The following DNMT3A variants were observed in gnomAD, a reference collection of about 807,000 sequenced individuals.
DNMT3A encodes the protein DNA (cytosine-5)-methyltransferase 3A.
In DNMT3A, 267 loss-of-function variants were observed where a neutral mutation model predicts 117.6. That is an observed-to-expected ratio of 2.27 (90% CI 2.05 to 2.51). The LOEUF is 2.51. Among genes scored for constraint, DNMT3A ranks in the 30% most tolerant of loss-of-function variants. The pLI is 0.00. For missense variants in DNMT3A, 1,029 were observed against 1,260.2 expected (o/e 0.82, Z 2.78); for synonymous variants, 432 against 474.8 (o/e 0.91, Z 1.17).
chr2:25,266,473 C>G (rs918767192), intron 6 of DNMT3A, among the ~76,000 whole-genome samples: 2 of 152,286 alleles, frequency 1.3e-5, no homozygotes, highest in African/African-American at 4.8e-5. Flanking sequence ...TTATCTCCTC[C>G]TTCCCATAGC....
intron 1 of DNMT3A, among the ~76,000 whole-genome samples, chr2:25,322,930 T>C (rs1260624565): frequency 3.3e-5 from 5 of 152,078 alleles, no homozygotes; most frequent in Non-Finnish European, 5.9e-5. Context: ...GAAAAATATC[T>C]GACCATTTCT....
At position 25,315,629 on chromosome 2, in the gene DNMT3A, G is replaced by A. The variant is rs560078558; in HGVS notation, c.-177-1468C>T. On this transcript the variant is annotated intron_variant, in intron 1 of 22. Coordinates refer to ENST00000321117, the MANE Select transcript of DNMT3A (RefSeq NM_022552.5). ...TCTGCATCTGGGCAGCTGCTGTGCC[G>A]TGCCCAGTTTACAGGTGACGGTAAG... Among the ~76,000 whole-genome samples the A allele has an allele frequency of 3.3e-5, 5 of 152,330 alleles. No homozygotes were observed. The East Asian group carries it at 7.7e-4, about 23-fold the overall frequency.
rs1478731100 is a variant in DNMT3A at position 25,252,128 on chromosome 2, G to A, written c.640-3876C>T. On this transcript the variant is annotated intron_variant, in intron 6 of 22. Coordinates refer to ENST00000321117, the MANE Select transcript of DNMT3A (RefSeq NM_022552.5). The surrounding 1 kb of genome is among the most constrained non-coding windows in gnomAD (Gnocchi z 5.5). ...CTTTTCAAACCCGGAGGGCTGCGGA[G>A]ATCCTCCCACCGGCCCTGCCGCCTC... 6.4e-5 allele frequency: 98 copies of A among 1,533,882 alleles called. No homozygotes were observed. The highest frequency in any genetic ancestry group is 1.7e-4 in the Middle Eastern group (1 of 5,934).
rs1189334972 is a variant in DNMT3A at position 25,314,156 on chromosome 2, C to A, written c.-172G>T. On this transcript the variant is annotated 5_prime_UTR_variant, in exon 2 of 23. Coordinates refer to ENST00000321117, the MANE Select transcript of DNMT3A (RefSeq NM_022552.5). ...AGCCTGTGGGTGGGGGCTTCGATGG[C>A]TCCACCTGTGGGGGAGAGAAGAGGA... 3.7e-5 allele frequency: 53 copies of A among 1,424,724 alleles called. No homozygotes were observed. In the Middle Eastern group the frequency reaches 3.0e-3, roughly 81 times the overall value. 88.3% of individuals were successfully genotyped at this position (1,424,724 alleles called of 1,614,324 possible).
intron 1 of DNMT3A, chr2:25,328,601 G>A (rs1299129877): frequency 2.1e-6 from 1 of 477,340 alleles, no homozygotes; most frequent in Admixed American, 2.4e-5. Flanking sequence ...CCCACAGCTT[G>A]TCCCCCGCAA....
intron 1 of DNMT3A, among the ~76,000 whole-genome samples, chr2:25,321,510 A>G (rs1413620053): frequency 3.3e-5 from 5 of 152,188 alleles, no homozygotes; most frequent in African/African-American, 1.2e-4. Flanking sequence ...CACATCTGCA[A>G]AGTCCCTTTT....
intron 2 of DNMT3A, among the ~76,000 whole-genome samples, chr2:25,310,010 C>T (rs954243345): frequency 6.6e-6 from 1 of 152,152 alleles, no homozygotes; most frequent in Non-Finnish European, 1.5e-5. Flanking sequence ...GAAACAAGAT[C>T]ACGCCACTGC....
At chr2:25,269,235 G>A (rs528051561) in intron 6 of DNMT3A, among the ~76,000 whole-genome samples, 7 of 152,204 alleles carry the variant, frequency 4.6e-5, no homozygotes, top group Non-Finnish European at 1.0e-4. Context: ...GGCGAGGCAC[G>A]AGAATCACTT....
At chr2:25,235,447 A>G (rs1367528200) in intron 22 of DNMT3A, among the ~76,000 whole-genome samples, 2 of 152,066 alleles carry the variant, frequency 1.3e-5, no homozygotes, top group Admixed American at 6.5e-5. Flanking sequence ...GGCCTCCCAA[A>G]GTGCTGGGAT....
intron 6 of DNMT3A, among the ~76,000 whole-genome samples, chr2:25,253,688 C>T (rs1351114194): frequency 6.6e-6 from 1 of 152,176 alleles, no homozygotes; most frequent in African/African-American, 2.4e-5. Flanking sequence ...GCCTAGTTGC[C>T]GTTGGCAAGA....
rs2033698028 is a variant in DNMT3A, at chr2:25,304,750, A to G, written c.73-4507T>C. ...TCTCCACACTGTGGTCCCAACAGAC[A>G]GCACCAAGCGCGAAAGCAAACTGCT... On this transcript the variant is annotated intron_variant, in intron 2 of 22. Coordinates refer to ENST00000321117, the MANE Select transcript of DNMT3A (RefSeq NM_022552.5). This position sits in a 1 kb window ranked among gnomAD's most constrained non-coding sequence, Gnocchi z 4.3. Among the ~76,000 whole-genome samples, 1 of 152,226 alleles carries G rather than the reference A, an allele frequency of 6.6e-6. No homozygotes were observed. Among genetic ancestry groups the G allele is most frequent in the African/African-American group, 2.4e-5 (1 of 41,454 alleles).
At chr2:25,325,273 C>G (rs73920672) in intron 1 of DNMT3A, among the ~76,000 whole-genome samples, 140 of 152,300 alleles carry the variant, frequency 9.2e-4, no homozygotes, top group African/African-American at 3.2e-3. Context: ...GAAGCCCTGT[C>G]TAGGGGTCAC....
chr2:25,268,711 T>C (rs1362496728), intron 6 of DNMT3A, among the ~76,000 whole-genome samples: 1 of 152,172 alleles, frequency 6.6e-6, no homozygotes, highest in Non-Finnish European at 1.5e-5. Context: ...GAGGAGACTC[T>C]GGCCCCCCTT....
At chr2:25,299,600 C>G (rs2033302130) in intron 3 of DNMT3A, among the ~76,000 whole-genome samples, 1 of 152,200 alleles carries the variant, frequency 6.6e-6, no homozygotes, top group Non-Finnish European at 1.5e-5. Flanking sequence ...AGCCAAGTCC[C>G]CTGGCTTCTC....
In DNMT3A at chr2:25,239,153, C is replaced by T. The variant is rs1395575712; in HGVS notation, c.2385G>A (p.Trp795Ter). 5 of 1,614,018 alleles carry T rather than the reference C, an allele frequency of 3.1e-6. No homozygotes were observed. The highest frequency in any genetic ancestry group is 4.2e-6 in the Non-Finnish European group (5 of 1,179,926). The change falls in exon 20 of 23, where the codon TGG becomes TGA. Residue 795 changes from tryptophan (W) to a stop codon, truncating the protein, a stop_gained. Coordinates refer to ENST00000321117, the MANE Select transcript of DNMT3A (RefSeq NM_022552.5). LOFTEE classifies it high-confidence loss of function. ...ACCTGTTCATACCGGGAAGGTTACC[C>T]CAGAAGTAGCGGGCCCTGTGTGCAG... The part of the protein sequence containing the change: ...VSAAHRARYF[W>*]GNLPGMNRPL...
Position 25,337,332 on chromosome 2 carries a change from C to G in DNMT3A, c.-178+4494G>C, listed in dbSNP as rs967524820. Among the ~76,000 whole-genome samples the G allele has an allele frequency of 6.6e-6, 1 of 152,198 alleles. No individual in the cohort carries two copies. Among genetic ancestry groups the G allele is most frequent in the Non-Finnish European group, 1.5e-5 (1 of 68,028 alleles). On this transcript the variant is annotated intron_variant, in intron 1 of 22. Coordinates refer to ENST00000321117, the MANE Select transcript of DNMT3A (RefSeq NM_022552.5). The surrounding 1 kb of genome is among the most constrained non-coding windows in gnomAD (Gnocchi z 5.0). ...ACGAGGCTTCTTAGAGCACTTCCTG[C>G]AGTGCTAGTCCACGTGAGCCACCCA...
chr2:25,244,738 A>T (rs1674537059), intron 13 of DNMT3A, 86 bp from the exon 14 acceptor site: 2 of 1,161,976 alleles, frequency 1.7e-6, no homozygotes, highest in Non-Finnish European at 1.3e-6. Flanking sequence ...CTGGCCTCAC[A>T]GAGCCTAAGC....
intron 22 of DNMT3A, 44 bp downstream of exon 22, chr2:25,235,663 C>G (rs534888198): frequency 1.3e-6 from 2 of 1,516,318 alleles, no homozygotes; most frequent in African/African-American, 2.8e-5. Context: ...GCACAGCAAT[C>G]AGAACAGCCA....
chr2:25,300,057 G>T, intron 3 of DNMT3A, 82 bp downstream of exon 3: 1 of 1,440,794 alleles, frequency 6.9e-7, no homozygotes, highest in Non-Finnish European at 9.4e-7. Flanking sequence ...GTCCCTGCAG[G>T]ACATACATCA....
Sources: allele counts gnomAD v4.1 joint callset (sites outside exome capture counted in the v4.1 genomes callset), GRCh38; gene constraint gnomAD v4.1.1; non-coding constraint Gnocchi (gnomAD v3.1); transcripts MANE v1.5; gene names NCBI Gene and HGNC (gene_info 2026-07-23, HGNC 2026-07-21).